Variants in RNF123 observed in about 807,000 individuals in gnomAD.
RNF123 encodes E3 ubiquitin-protein ligase RNF123.
In RNF123, 86 loss-of-function variants were observed where a neutral mutation model predicts 168.5. That is an observed-to-expected ratio of 0.51 (90% CI 0.43 to 0.61). The LOEUF (loss-of-function observed/expected upper bound fraction) is 0.61, where lower values mean the gene tolerates loss of function less well. Ranked by LOEUF, RNF123 falls within the 20% of genes least tolerant of loss-of-function variation. The probability of loss-of-function intolerance (pLI) is 0.00; values close to 1 mark genes in which losing one functional copy is unlikely to be tolerated. For missense variants in RNF123, 1,419 were observed against 1,729.7 expected (o/e 0.82, Z 3.19); for synonymous variants, 666 against 689.1 (o/e 0.97, Z 0.52).
intron 25 of RNF123, 46 bp from the exon 26 acceptor site, chr3:49,706,745 G>T (rs771369971): frequency 1.3e-6 from 2 of 1,541,012 alleles, no homozygotes; most frequent in Non-Finnish European, 1.8e-6. Flanking sequence ...GTGGACCTGG[G>T]TATGGGGCCA....
At chr3:49,718,058 G>A (rs1472526705) in intron 35 of RNF123, 1 of 1,613,632 alleles carries the variant, frequency 6.2e-7, no homozygotes, top group Middle Eastern at 1.6e-4. Flanking sequence ...GCTACTGCCA[G>A]CTGCACGCGG....
intron 1 of RNF123, among the ~76,000 whole-genome samples, chr3:49,690,440 C>T (rs900179249): frequency 1.3e-5 from 2 of 152,248 alleles, no homozygotes; most frequent in African/African-American, 2.4e-5. Flanking sequence ...GCACCAGGGA[C>T]TCAGTGCAGG....
At position 49,713,730 on chromosome 3, in the gene RNF123, C is replaced by A; in HGVS notation, c.2750-8C>A. 2 of 1,594,354 alleles carry A rather than the reference C, an allele frequency of 1.3e-6. No homozygotes were observed. The highest frequency in any genetic ancestry group is 2.3e-5 in the East Asian group (1 of 43,716). On this transcript the variant is annotated splice_polypyrimidine_tract_variant and splice_region_variant and intron_variant, in intron 28 of 38. Coordinates refer to ENST00000327697, the MANE Select transcript of RNF123 (RefSeq NM_022064.5). ...AAGCCCCTGCTGAGGCACGGTGTGTCCCCGCAGACATCCGAGACTCACTGA... is the reference window on the plus strand; with the variant it reads ...AAGCCCCTGCTGAGGCACGGTGTGTACCCGCAGACATCCGAGACTCACTGA...
chr3:49,702,497 C>T, intron 19 of RNF123, 92 bp downstream of exon 19: 1 of 1,598,718 alleles, frequency 6.3e-7, no homozygotes, highest in Non-Finnish European at 8.6e-7. Context: ...ACTGCCTCAT[C>T]CCTGCCTAGC....
At chr3:49,719,569 T>C in intron 35 of RNF123, 1 of 1,045,182 alleles carries the variant, frequency 9.6e-7, no homozygotes, top group Non-Finnish European at 1.4e-6. Context: ...CGGATGGCCC[T>C]TGCCGAGGAG....
intron 3 of RNF123, among the ~76,000 whole-genome samples, chr3:49,696,021 A>G (rs1328583729): frequency 6.6e-6 from 1 of 152,086 alleles, no homozygotes; most frequent in East Asian, 1.9e-4. Flanking sequence ...AGCAGCTCAG[A>G]GGGCTGAGCC....
chr3:49,697,676 C>T (rs945137391), intron 5 of RNF123, among the ~76,000 whole-genome samples: 8 of 152,224 alleles, frequency 5.3e-5, no homozygotes, highest in Non-Finnish European at 1.5e-5. Context: ...CTTCCCAGCA[C>T]AGCCCTGAGT....
chr3:49,713,772 C>T lies in RNF123; in HGVS notation c.2784C>T (p.Ser928=). The change falls in exon 29 of 39, where the codon AGC becomes AGT. Residue 928 remains serine (S), a synonymous_variant. Transcript: ENST00000327697. ...IRDSLMQALA[S]YVCYPHSLRA... Reference sequence around the variant, plus strand: ...ACTCACTGATGCAGGCCCTGGCCAGCTACGTGTGCTACCCACACTCCCTGC... The same window carrying T: ...ACTCACTGATGCAGGCCCTGGCCAGTTACGTGTGCTACCCACACTCCCTGC... The T allele has an allele frequency of 6.2e-7, 1 of 1,610,142 alleles. No individual in the cohort carries two copies. Among genetic ancestry groups the T allele is most frequent in the Non-Finnish European group, 8.5e-7 (1 of 1,178,512 alleles).
intron 21 of RNF123, among the ~76,000 whole-genome samples, chr3:49,704,259 C>A (rs1246540205): frequency 6.6e-6 from 1 of 152,080 alleles, no homozygotes; most frequent in Non-Finnish European, 1.5e-5. Context: ...AATGAAGCAG[C>A]CCTGGCATCT....
rs758398735 is a variant in RNF123, at chr3:49,705,088, G to C, written c.2064G>C (p.Ala688=). Residue 688 remains alanine (A), a synonymous_variant, in exon 23 of 39, where the codon GCG becomes GCC. Coordinates refer to ENST00000327697, the MANE Select transcript of RNF123 (RefSeq NM_022064.5). The stretch of plus-strand genomic sequence containing the variant: ...GAGCCAACCGCTTCCTCAGCACAGC[G>C]GCTGTGAGCCTCATGACCCCACGGC... The part of the protein sequence containing the change: ...LGRANRFLST[A]AVSLMTPRRP... The C allele has an allele frequency of 4.8e-5, 78 of 1,611,804 alleles. No homozygotes were observed. Among genetic ancestry groups the C allele is most frequent in the Non-Finnish European group, 6.3e-5 (74 of 1,179,144 alleles).
chr3:49,702,707 T>C lies in RNF123; in HGVS notation c.1704T>C (p.Tyr568=). 1.2e-6 allele frequency: 2 copies of C among 1,614,180 alleles called. No homozygotes were observed. Among genetic ancestry groups the C allele is most frequent in the Non-Finnish European group, 1.7e-6 (2 of 1,180,020 alleles). Residue 568 remains tyrosine (Y), a synonymous_variant, in exon 20 of 39, where the codon TAT becomes TAC. Coordinates refer to ENST00000327697, the MANE Select transcript of RNF123 (RefSeq NM_022064.5). The part of the protein sequence containing the change: ...LHRLISALRY[Y]WDEYKASNPH... The stretch of plus-strand genomic sequence containing the variant: ...GGCTGATCTCTGCCCTGCGCTACTA[T>C]TGGGATGAATACAAGGCTTCCAATC...
intron 3 of RNF123, among the ~76,000 whole-genome samples, chr3:49,694,162 AAAAAATT>A (rs1251080107): frequency 6.6e-6 from 1 of 152,228 alleles, no homozygotes; most frequent in Non-Finnish European, 1.5e-5. Flanking sequence ...GAAAACTTTA[AAAAAATT>A]TATCACCTTC....
At chr3:49,689,896 G>C (rs1378267290) in intron 1 of RNF123, 4 of 152,242 alleles carry the variant, frequency 2.6e-5, no homozygotes, top group African/African-American at 9.6e-5. Context: ...CCCCGGGCGG[G>C]GACAAGGTCC....
intron 35 of RNF123, 109 bp from the exon 36 acceptor site, chr3:49,720,402 A>AGG (rs1017623961): frequency 2.7e-6 from 3 of 1,125,430 alleles, no homozygotes; most frequent in African/African-American, 1.6e-5. Flanking sequence ...GAAAGGATGC[A>AGG]GGGGGGGTGA....
Position 49,720,782 on chromosome 3 carries a change from C to T in RNF123, c.3644-18C>T, listed in dbSNP as rs1432130833. On this transcript the variant is annotated intron_variant, in intron 36 of 38. Transcript: ENST00000327697. ...ATCCTCAGCTACCTCTGACTTGACA[C>T]TACCTACCACTCCCCAGATGCGGAT... The T allele has an allele frequency of 1.2e-6, 2 of 1,614,028 alleles. No homozygotes were observed.
chr3:49,695,044 A>C (rs2054240497), intron 3 of RNF123, among the ~76,000 whole-genome samples: 1 of 152,208 alleles, frequency 6.6e-6, no homozygotes, highest in African/African-American at 2.4e-5. Context: ...CTGCCCACAG[A>C]TATGTGCAGT....
At chr3:49,706,679 T>C in intron 25 of RNF123, 112 bp from the exon 26 acceptor site, 2 of 889,924 alleles carry the variant, frequency 2.2e-6, no homozygotes, top group South Asian at 3.0e-5. Context: ...TGGAGCCCAA[T>C]CCCTTGCCTG....
chr3:49,718,007 T>C (rs1442666560), intron 35 of RNF123: 3 of 1,613,652 alleles, frequency 1.9e-6, no homozygotes. Context: ...GAGCCAGCCT[T>C]CAGCTGCAGG....
chr3:49,720,722 A>G, intron 36 of RNF123, 69 bp downstream of exon 36: 7 of 1,606,120 alleles, frequency 4.4e-6, no homozygotes, highest in Non-Finnish European at 6.0e-6. Context: ...TAAGAACAGC[A>G]AAGTCCTAGG....
Sources: gnomAD v4.1 joint callset for allele counts (sites outside exome capture counted in the v4.1 genomes callset) on GRCh38, gnomAD v4.1.1 for gene constraint, MANE v1.5 for transcripts, NCBI Gene and HGNC (gene_info 2026-07-23, HGNC 2026-07-21) for gene names.